ATP9B: variants seen among roughly 807,000 people sequenced by gnomAD.
The protein encoded by ATP9B is ATPase phospholipid transporting 9B.
A neutral mutation model predicts 146.1 loss-of-function variants in ATP9B; 110 were observed. The observed-to-expected ratio is 0.75, with a 90% confidence interval of 0.65 to 0.88. ATP9B has a LOEUF of 0.88. Among genes scored for constraint, ATP9B ranks in the 40% least tolerant of loss-of-function variants. The probability of loss-of-function intolerance (pLI) is 0.00; values close to 1 mark genes in which losing one functional copy is unlikely to be tolerated. For missense variants in ATP9B, 1,499 were observed against 1,496.4 expected (o/e 1.00, Z -0.03); for synonymous variants, 604 against 569.7 (o/e 1.06, Z -0.86).
At chr18:79,085,666 GA>G (rs1282399959) in intron 1 of ATP9B, 2 of 152,200 alleles carry the variant, frequency 1.3e-5, no homozygotes, top group Non-Finnish European at 1.5e-5. Flanking sequence ...GCAGTTGAAT[GA>G]AGAATGAATG....
At chr18:79,234,249 GT>G (rs916201745) in intron 11 of ATP9B, among the ~76,000 whole-genome samples, 1 of 152,152 alleles carries the variant, frequency 6.6e-6, no homozygotes, top group African/African-American at 2.4e-5. Flanking sequence ...GTAAACATGG[GT>G]TTTTTTAACT....
At chr18:79,139,114 A>G (rs971968854) in intron 5 of ATP9B, among the ~76,000 whole-genome samples, 2 of 152,210 alleles carry the variant, frequency 1.3e-5, no homozygotes, top group Non-Finnish European at 2.9e-5. Flanking sequence ...GTGTTTGGAT[A>G]TAAATACATT....
At chr18:79,342,934 A>T (rs932798659) in intron 20 of ATP9B, among the ~76,000 whole-genome samples, 13 of 152,228 alleles carry the variant, frequency 8.5e-5, no homozygotes, top group African/African-American at 2.9e-4. Flanking sequence ...TGCCTTAACT[A>T]GTTCAAAGAA....
chr18:79,266,646 T>C (rs900887212), intron 12 of ATP9B, among the ~76,000 whole-genome samples: 1 of 152,142 alleles, frequency 6.6e-6, no homozygotes, highest in Non-Finnish European at 1.5e-5. Flanking sequence ...TAAAAGTTGT[T>C]TTAAATCATG....
intron 5 of ATP9B, among the ~76,000 whole-genome samples, chr18:79,135,254 C>T (rs1310131921): frequency 6.6e-6 from 1 of 152,094 alleles, no homozygotes; most frequent in Admixed American, 6.6e-5. Context: ...ATGAAAAGCC[C>T]CAGACTCCAA....
rs911706169 is a variant in ATP9B at position 79,205,588 on chromosome 18, AGTGT to A, written c.955-1345_955-1342del. ...ACGGGAGACGCCCAACAGTCAGGAC[AGTGT>A]GTGGCTTTTACCCTATCCAGATGTC... On this transcript the variant is annotated intron_variant, in intron 9 of 29. Transcript: ENST00000426216. 7.4e-4 allele frequency among the ~76,000 whole-genome samples: 113 copies of A among 152,190 alleles called. 1 individual carries two copies. Among genetic ancestry groups the A allele is most frequent in the African/African-American group, 2.6e-3 (106 of 41,522 alleles).
intron 4 of ATP9B, among the ~76,000 whole-genome samples, chr18:79,121,276 G>C (rs987708380): frequency 2.0e-5 from 3 of 152,218 alleles, no homozygotes; most frequent in African/African-American, 7.2e-5. Flanking sequence ...GACAAGCCAC[G>C]TGAGAAGAAG....
chr18:79,273,832 A>G (rs968820894), intron 12 of ATP9B, among the ~76,000 whole-genome samples: 3 of 152,334 alleles, frequency 2.0e-5, no homozygotes, highest in Middle Eastern at 3.4e-3. Flanking sequence ...ATAGGGAGGT[A>G]TAATTAAGAG....
intron 12 of ATP9B, among the ~76,000 whole-genome samples, chr18:79,265,935 C>T (rs1362109576): frequency 3.9e-5 from 6 of 152,082 alleles, no homozygotes; most frequent in Admixed American, 6.5e-5. Context: ...AGAAGGGGTC[C>T]GGTTTCTCTC....
At chr18:79,366,440 C>A (rs2097029827) in intron 26 of ATP9B, among the ~76,000 whole-genome samples, 1 of 152,232 alleles carries the variant, frequency 6.6e-6, no homozygotes. Flanking sequence ...ACAAAAAGAA[C>A]TGCAAACCGT....
At chr18:79,104,621 C>T (rs1386554943) in intron 2 of ATP9B, among the ~76,000 whole-genome samples, 2 of 150,964 alleles carry the variant, frequency 1.3e-5, no homozygotes, top group African/African-American at 4.9e-5. Flanking sequence ...TTATAATATA[C>T]TCCTTTTCTT....
At chr18:79,189,581 T>C (rs1464629245) in intron 8 of ATP9B, among the ~76,000 whole-genome samples, 1 of 152,210 alleles carries the variant, frequency 6.6e-6, no homozygotes, top group African/African-American at 2.4e-5. Context: ...TCATATGTAT[T>C]ATATACTGTG....
intron 12 of ATP9B, among the ~76,000 whole-genome samples, chr18:79,274,378 T>C (rs2096284973): frequency 6.6e-6 from 1 of 152,206 alleles, no homozygotes; most frequent in Non-Finnish European, 1.5e-5. Context: ...TCAAAGTACA[T>C]GTGAATCACA....
chr18:79,167,978 C>G (rs2147835841), intron 7 of ATP9B, among the ~76,000 whole-genome samples: 1 of 152,340 alleles, frequency 6.6e-6, no homozygotes, highest in East Asian at 1.9e-4. Context: ...CTGGAGAGGG[C>G]CAAGCCGGCA....
intron 12 of ATP9B, among the ~76,000 whole-genome samples, chr18:79,267,182 A>T (rs2145463893): frequency 6.6e-6 from 1 of 152,216 alleles, no homozygotes; most frequent in Non-Finnish European, 1.5e-5. Context: ...TCAAGTATTT[A>T]AATTTTCAGT....
At chr18:79,117,082 A>G (rs1031694599) in intron 4 of ATP9B, 1 of 152,190 alleles carries the variant, frequency 6.6e-6, no homozygotes, top group Non-Finnish European at 1.5e-5. Flanking sequence ...GTGTAGCTTT[A>G]AAAATGGTGT....
chr18:79,072,620 A>T (rs542555910), intron 1 of ATP9B, among the ~76,000 whole-genome samples: 1 of 152,322 alleles, frequency 6.6e-6, no homozygotes, highest in Admixed American at 6.5e-5. Flanking sequence ...TCTGTTCGAC[A>T]AAACCGCCAT....
At chr18:79,131,181 A>G (rs1003901694) in intron 5 of ATP9B, among the ~76,000 whole-genome samples, 3 of 152,174 alleles carry the variant, frequency 2.0e-5, no homozygotes, top group Non-Finnish European at 4.4e-5. Flanking sequence ...AGTTGTTAAG[A>G]CATTCACAGA....
chr18:79,261,008 A>C (rs1335484777), intron 12 of ATP9B, among the ~76,000 whole-genome samples: 1 of 152,180 alleles, frequency 6.6e-6, no homozygotes, highest in African/African-American at 2.4e-5. Flanking sequence ...CAGGGTCCAC[A>C]GGTGGAGAGG....
Sources: gnomAD v4.1 joint callset for allele counts (sites outside exome capture counted in the v4.1 genomes callset) on GRCh38, gnomAD v4.1.1 for gene constraint, MANE v1.5 for transcripts, NCBI Gene and HGNC (gene_info 2026-07-23, HGNC 2026-07-21) for gene names.